Variants in FRYL observed in about 807,000 individuals in gnomAD.
The protein encoded by FRYL is protein furry homolog-like.
Under a neutral mutation model 351.2 loss-of-function variants are expected in FRYL, and 150 were observed. That is an observed-to-expected ratio of 0.43 (90% CI 0.37 to 0.49). The LOEUF is 0.49. FRYL is among the 20% of genes least tolerant of loss of function. The probability of loss-of-function intolerance (pLI) is 0.00; values close to 1 mark genes in which losing one functional copy is unlikely to be tolerated. For missense variants in FRYL, 3,036 were observed against 3,619.3 expected (o/e 0.84, Z 4.13); for synonymous variants, 1,153 against 1,257.1 (o/e 0.92, Z 1.75).
intron 1 of FRYL, among the ~76,000 whole-genome samples, chr4:48,739,966 T>C (rs1771863920): frequency 6.6e-6 from 1 of 152,208 alleles, no homozygotes; most frequent in Non-Finnish European, 1.5e-5. Context: ...CTTGGGACAC[T>C]TTAGAGAGTC....
chr4:48,720,178 A>G (rs1769313844), intron 1 of FRYL, among the ~76,000 whole-genome samples: 1 of 144,308 alleles, frequency 6.9e-6, no homozygotes, highest in Admixed American at 7.2e-5. Flanking sequence ...GAAAATACAT[A>G]TAATTTACCA....
At chr4:48,573,366 A>T (rs1416118150) in intron 25 of FRYL, 123 bp from the exon 26 acceptor site, 12 of 627,798 alleles carry the variant, frequency 1.9e-5, no homozygotes, top group Non-Finnish European at 3.3e-5. Flanking sequence ...TTTAAACACA[A>T]TGTCTATTTT....
intron 3 of FRYL, among the ~76,000 whole-genome samples, chr4:48,676,092 A>G (rs1763625812): frequency 6.6e-6 from 1 of 152,148 alleles, no homozygotes; most frequent in Non-Finnish European, 1.5e-5. Context: ...ACGGTGTCAA[A>G]ACAGGCCACT....
At chr4:48,741,259 A>G (rs1432978931) in intron 1 of FRYL, among the ~76,000 whole-genome samples, 1 of 152,008 alleles carries the variant, frequency 6.6e-6, no homozygotes, top group Non-Finnish European at 1.5e-5. Context: ...AAAATAGAAA[A>G]ATGACCAGGC....
chr4:48,521,952 C>G (rs1037757943), intron 54 of FRYL, among the ~76,000 whole-genome samples: 2 of 152,094 alleles, frequency 1.3e-5, no homozygotes, highest in African/African-American at 4.8e-5. Context: ...CAGCACTTTA[C>G]CAGCAGGCCG....
At chr4:48,773,098 G>C (rs1462409007) in intron 1 of FRYL, among the ~76,000 whole-genome samples, 18 of 152,124 alleles carry the variant, frequency 1.2e-4, no homozygotes, top group Admixed American at 1.2e-3. Context: ...ATAATCAACA[G>C]AGACAACTAC....
chr4:48,686,053 T>C (rs1285101215), intron 2 of FRYL, among the ~76,000 whole-genome samples: 2 of 152,198 alleles, frequency 1.3e-5, no homozygotes, highest in African/African-American at 4.8e-5. Context: ...TCTTGGTATT[T>C]TTCTATAGCT....
chr4:48,693,342 T>C (rs1765843441), intron 2 of FRYL, among the ~76,000 whole-genome samples: 1 of 152,170 alleles, frequency 6.6e-6, no homozygotes, highest in African/African-American at 2.4e-5. Context: ...TACAAATGCA[T>C]ACTGAAGTAT....
chr4:48,606,303 G>A, intron 10 of FRYL, 135 bp downstream of exon 10: 1 of 529,008 alleles, frequency 1.9e-6, no homozygotes, highest in South Asian at 4.2e-5. Flanking sequence ...TTTACACTTA[G>A]AACAACTTAA....
chr4:48,603,325 T>G lies in FRYL; in HGVS notation c.898A>C (p.Thr300Pro). 1 of 1,612,400 alleles carries G rather than the reference T, an allele frequency of 6.2e-7. No individual in the cohort carries two copies. Among genetic ancestry groups the G allele is most frequent in the Non-Finnish European group, 8.5e-7 (1 of 1,179,098 alleles). Reference protein sequence around the residue: ...KNFVEMLYQTTFELSSRKKHS... With the variant: ...KNFVEMLYQTPFELSSRKKHS... ...TTCTTTCTCGAGCTCAGTTCAAAAG[T>G]AGTCTGATAAAGCATCTCCACAAAA... is the stretch of plus-strand genomic sequence containing the variant. Residue 300 changes from threonine (T) to proline (P), a missense_variant, in exon 12 of 64, where the codon ACT (threonine) becomes CCT (proline). Thr to Pro is a conservative substitution (Grantham distance 38). Transcript: ENST00000358350.
At chr4:48,679,578 T>C (rs1764299283) in intron 3 of FRYL, among the ~76,000 whole-genome samples, 2 of 152,116 alleles carry the variant, frequency 1.3e-5, no homozygotes, top group East Asian at 1.9e-4. Flanking sequence ...TGTTAAAAGA[T>C]ACAAAATTGC....
At chr4:48,767,194 A>C (rs1476826034) in intron 1 of FRYL, among the ~76,000 whole-genome samples, 1 of 152,098 alleles carries the variant, frequency 6.6e-6, no homozygotes, top group East Asian at 1.9e-4. Flanking sequence ...GAAACTTACA[A>C]TCATGGCAGA....
chr4:48,668,834 A>G (rs995047822), intron 3 of FRYL, among the ~76,000 whole-genome samples: 4 of 152,244 alleles, frequency 2.6e-5, no homozygotes, highest in African/African-American at 4.8e-5. Flanking sequence ...CTTATTAACT[A>G]TAGCTGCCTC....
intron 4 of FRYL, among the ~76,000 whole-genome samples, chr4:48,624,137 T>G (rs74939728): frequency 0.015 from 2,277 of 152,288 alleles, 25 homozygotes; most frequent in Middle Eastern, 0.037. Flanking sequence ...CCTTCCAGTA[T>G]GACTGCTTCT....
intron 7 of FRYL, among the ~76,000 whole-genome samples, chr4:48,615,980 T>C (rs1749345567): frequency 6.6e-6 from 1 of 151,768 alleles, no homozygotes; most frequent in Admixed American, 6.6e-5. Context: ...AACCAAACAC[T>C]GCAAATTCTC....
intron 16 of FRYL, 83 bp from the exon 17 acceptor site, chr4:48,590,913 A>G (rs1185113999): frequency 3.8e-6 from 4 of 1,054,728 alleles, no homozygotes; most frequent in Non-Finnish European, 5.5e-6. Context: ...CATCAGTAAC[A>G]TCAGAGTTGG....
At chr4:48,515,725 A>C (rs1466017329) in intron 55 of FRYL, among the ~76,000 whole-genome samples, 1 of 152,150 alleles carries the variant, frequency 6.6e-6, no homozygotes, top group Non-Finnish European at 1.5e-5. Flanking sequence ...CATAGGTTTA[A>C]AATATTTTGA....
chr4:48,690,486 CA>C (rs2149557494), intron 2 of FRYL, among the ~76,000 whole-genome samples: 1 of 152,156 alleles, frequency 6.6e-6, no homozygotes, highest in East Asian at 1.9e-4. Flanking sequence ...CCCTACCACC[CA>C]AACCTATAAT....
chr4:48,575,206 C>A lies in FRYL; in HGVS notation c.2757G>T (p.Lys919Asn). 1.9e-6 allele frequency: 3 copies of A among 1,613,704 alleles called. No homozygotes were observed. Among genetic ancestry groups the A allele is most frequent in the Non-Finnish European group, 2.5e-6 (3 of 1,179,746 alleles). Residue 919 changes from lysine (K) to asparagine (N), a missense_variant, in exon 25 of 64, where the codon AAG becomes AAT. Physicochemically the swap from Lys to Asn is moderately conservative, Grantham distance 94 (BLOSUM62 0). Coordinates refer to ENST00000358350, the MANE Select transcript of FRYL (RefSeq NM_015030.2). Reference protein sequence around the residue: ...IGIPSPSSLFKHIVPMMRSES... With the variant: ...IGIPSPSSLFNHIVPMMRSES... ...CAGAACGCATCATTGGAACTATGTG[C>A]TTAAACAAGGATGAAGGGGATGGGA...
Sources: allele counts gnomAD v4.1 joint callset (sites outside exome capture counted in the v4.1 genomes callset), GRCh38; gene constraint gnomAD v4.1.1; transcripts MANE v1.5; gene names NCBI Gene and HGNC (gene_info 2026-07-23, HGNC 2026-07-21).